The following CDH18 variants were observed in gnomAD, a reference collection of about 807,000 sequenced individuals.
CDH18 encodes the protein cadherin 18, also known as cadherin-18.
A neutral mutation model predicts 67.9 loss-of-function variants in CDH18; 31 were observed. The observed-to-expected ratio is 0.46, with a 90% CI of 0.34 to 0.62. The LOEUF is 0.62. CDH18 is among the 20% of genes least tolerant of loss of function. The pLI is 0.01. For missense variants in CDH18, 890 were observed against 975.5 expected, an observed-to-expected ratio of 0.91 and a Z score of 1.17; for synonymous variants, 362 against 347.2, an observed-to-expected ratio of 1.04 and a Z score of -0.48.
In CDH18 at chr5:19,690,311, G is replaced by A. The variant is rs2150418987; in HGVS notation, c.643+31036C>T. 1.3e-5 allele frequency among the ~76,000 whole-genome samples: 2 copies of A among 151,506 alleles called. 1 individual carries two copies. The highest frequency in any genetic ancestry group is 4.2e-4 in the South Asian group (2 of 4,808). On this transcript the variant is annotated intron_variant, in intron 5 of 12. Transcript: ENST00000382275. ...TATTGGATACAGCAAAAGTAGTGCT[G>A]AGAGGAAAGTTTATATCAATAAATA...
At chr5:20,456,732 AT>A (rs558030152) in intron 1 of CDH18, among the ~76,000 whole-genome samples, 14 of 151,936 alleles carry the variant, frequency 9.2e-5, no homozygotes, top group East Asian at 3.9e-4. Context: ...TAAATGCCAT[AT>A]TTTTTTTAAT....
chr5:19,683,302 G>A (rs1760598432), intron 5 of CDH18, among the ~76,000 whole-genome samples: 1 of 151,928 alleles, frequency 6.6e-6, no homozygotes, highest in Non-Finnish European at 1.5e-5. Flanking sequence ...AATAGTTTTT[G>A]CCATATTCTA....
At position 19,921,738 on chromosome 5, in the gene CDH18, T is replaced by A. The variant is rs114910230; in HGVS notation, c.-257+59322A>T. Among the ~76,000 whole-genome samples, 708 of 152,166 alleles carry A rather than the reference T, an allele frequency of 4.7e-3. 2 individuals carry two copies. Among genetic ancestry groups the A allele is most frequent in the Non-Finnish European group, 6.9e-3 (469 of 68,000 alleles). ...AGGGATATGCAACATCAGTCATAAGTAGAAAAGTTCAAAATTAGCATATTT... is the reference window on the plus strand; with the variant it reads ...AGGGATATGCAACATCAGTCATAAGAAGAAAAGTTCAAAATTAGCATATTT... On this transcript the variant is annotated intron_variant, in intron 2 of 12. Coordinates refer to ENST00000382275, the MANE Select transcript of CDH18 (RefSeq NM_004934.5).
At chr5:19,496,994 C>T (rs371579285) in intron 11 of CDH18, among the ~76,000 whole-genome samples, 22 of 152,036 alleles carry the variant, frequency 1.4e-4, no homozygotes, top group East Asian at 1.4e-3. Context: ...ATAAATTTTT[C>T]TTCTATACAA....
intron 1 of CDH18, among the ~76,000 whole-genome samples, chr5:20,318,673 C>A (rs2150002277): frequency 6.6e-6 from 1 of 152,206 alleles, no homozygotes; most frequent in South Asian, 2.1e-4. Flanking sequence ...TTTCCTGAGG[C>A]CTCCCCAGAA....
At chr5:19,982,990 G>A (rs1353985492) in intron 1 of CDH18, among the ~76,000 whole-genome samples, 3 of 140,814 alleles carry the variant, frequency 2.1e-5, no homozygotes, top group Non-Finnish European at 3.1e-5. Flanking sequence ...CTTGCAGTGC[G>A]CCACTGTCGT....
intron 10 of CDH18, among the ~76,000 whole-genome samples, chr5:19,511,795 G>A (rs943955701): frequency 1.3e-5 from 2 of 152,096 alleles, no homozygotes; most frequent in Non-Finnish European, 2.9e-5. Context: ...GGGAAGCAGA[G>A]CATAAAAGTT....
intron 2 of CDH18, among the ~76,000 whole-genome samples, chr5:20,112,733 T>A (rs1747585380): frequency 6.6e-6 from 1 of 152,132 alleles, no homozygotes; most frequent in Admixed American, 6.5e-5. Context: ...AAAAATAAAA[T>A]AAAATAAAAG....
intron 2 of CDH18, among the ~76,000 whole-genome samples, chr5:19,905,476 G>T (rs1284570028): frequency 9.2e-6 from 1 of 109,204 alleles, no homozygotes; most frequent in Non-Finnish European, 1.9e-5. Context: ...AAAACATTTA[G>T]ATCATATCCA....
chr5:20,455,157 T>C (rs1581031454), intron 1 of CDH18, among the ~76,000 whole-genome samples: 1 of 152,094 alleles, frequency 6.6e-6, no homozygotes, highest in East Asian at 1.9e-4. Flanking sequence ...AAATATCCAG[T>C]GTCATAATTG....
intron 1 of CDH18, among the ~76,000 whole-genome samples, chr5:20,485,990 G>GA (rs1753146331): frequency 6.6e-6 from 1 of 152,176 alleles, no homozygotes; most frequent in African/African-American, 2.4e-5. Flanking sequence ...TTTTGCAACT[G>GA]AAACTAACAG....
chr5:20,182,089 A>G (rs1737726519), intron 2 of CDH18, among the ~76,000 whole-genome samples: 1 of 152,164 alleles, frequency 6.6e-6, no homozygotes, highest in South Asian at 2.1e-4. Context: ...TCTGGGAAGA[A>G]AAATTTGAAC....
chr5:20,187,261 T>C (rs1482279170), intron 2 of CDH18, among the ~76,000 whole-genome samples: 1 of 151,850 alleles, frequency 6.6e-6, no homozygotes, highest in Non-Finnish European at 1.5e-5. Flanking sequence ...TAGATAAAAA[T>C]GGCTAAAATG....
chr5:19,568,056 ACCAATTTG>A (rs1413491358), intron 8 of CDH18, among the ~76,000 whole-genome samples: 4 of 152,300 alleles, frequency 2.6e-5, no homozygotes, highest in African/African-American at 7.2e-5. Flanking sequence ...CTCCAGTTCT[ACCAATTTG>A]CCAGTCAGTT....
intron 1 of CDH18, among the ~76,000 whole-genome samples, chr5:20,488,817 G>T (rs1561056522): frequency 6.6e-6 from 1 of 151,708 alleles, no homozygotes; most frequent in Non-Finnish European, 1.5e-5. Flanking sequence ...CTTAGAGATA[G>T]AAAATATTTG....
At chr5:20,507,668 C>A (rs1455561539) in intron 1 of CDH18, among the ~76,000 whole-genome samples, 1 of 151,970 alleles carries the variant, frequency 6.6e-6, no homozygotes, top group Non-Finnish European at 1.5e-5. Flanking sequence ...ATAGAAAATT[C>A]TAGGTTCTAT....
At chr5:20,542,942 T>C (rs1757134787) in intron 1 of CDH18, among the ~76,000 whole-genome samples, 1 of 152,076 alleles carries the variant, frequency 6.6e-6, no homozygotes, top group African/African-American at 2.4e-5. Flanking sequence ...AATAAAACAT[T>C]TGTAGCATGG....
At chr5:20,072,112 C>G (rs1027781185) in intron 2 of CDH18, among the ~76,000 whole-genome samples, 1 of 152,032 alleles carries the variant, frequency 6.6e-6, no homozygotes, top group African/African-American at 2.4e-5. Flanking sequence ...TTTGCCTCAA[C>G]AAGTACTATA....
intron 10 of CDH18, among the ~76,000 whole-genome samples, chr5:19,508,555 A>G (rs1039335970): frequency 6.8e-6 from 1 of 148,070 alleles, no homozygotes; most frequent in Non-Finnish European, 1.5e-5. Context: ...TTTAGTCTAC[A>G]TTACAAAAGC....
Sources: allele counts gnomAD v4.1 joint callset (sites outside exome capture counted in the v4.1 genomes callset), GRCh38; gene constraint gnomAD v4.1.1; transcripts MANE v1.5; gene names NCBI Gene and HGNC (gene_info 2026-07-23, HGNC 2026-07-21).